Variants in GABBR2 observed in about 807,000 individuals in gnomAD.
The protein encoded by GABBR2 is G-protein coupled receptor 51.
In GABBR2, 23 loss-of-function variants were observed where a neutral mutation model predicts 105.6. That is an observed-to-expected ratio of 0.22 (90% CI 0.16 to 0.31). GABBR2 has a LOEUF of 0.31. Ranked by LOEUF, GABBR2 falls within the 10% of genes least tolerant of loss-of-function variation. The pLI is 1.00. For synonymous variants in GABBR2, 478 were observed against 499.7 expected (o/e 0.96, Z 0.58); for missense variants, 734 against 1,245.5 (o/e 0.59, Z 6.18).
chr9:98,563,242 A>G (rs1333730976), intron 2 of GABBR2, among the ~76,000 whole-genome samples: 3 of 152,166 alleles, frequency 2.0e-5, no homozygotes, highest in Non-Finnish European at 4.4e-5. Flanking sequence ...CAAAATGGAA[A>G]CCAAAGATTC....
intron 7 of GABBR2, among the ~76,000 whole-genome samples, chr9:98,440,712 G>A (rs1416134095): frequency 6.6e-6 from 1 of 152,176 alleles, no homozygotes; most frequent in Admixed American, 6.5e-5. Context: ...TCTCCATCAC[G>A]CAGGTCTGGT....
intron 7 of GABBR2, among the ~76,000 whole-genome samples, chr9:98,421,090 G>A (rs144207200): frequency 0.011 from 1,679 of 152,272 alleles, 19 homozygotes; most frequent in Non-Finnish European, 0.014. Context: ...GCCCCGAGGT[G>A]TCCCAGGGTA....
At chr9:98,397,131 G>A (rs1001163998) in intron 8 of GABBR2, among the ~76,000 whole-genome samples, 1 of 152,142 alleles carries the variant, frequency 6.6e-6, no homozygotes, top group Non-Finnish European at 1.5e-5. Flanking sequence ...TACTGAGCAG[G>A]GCTGCCAATC....
intron 11 of GABBR2, among the ~76,000 whole-genome samples, chr9:98,382,720 A>G (rs891521320): frequency 6.6e-6 from 1 of 152,214 alleles, no homozygotes; most frequent in Non-Finnish European, 1.5e-5. Context: ...GTTTAACTTC[A>G]TCAGGGTCCC....
chr9:98,683,533 C>A (rs766580215), intron 1 of GABBR2, among the ~76,000 whole-genome samples: 1 of 152,142 alleles, frequency 6.6e-6, no homozygotes, highest in Non-Finnish European at 1.5e-5. Context: ...CTACAAATGT[C>A]CGAGATGACT....
rs1431040812 is a variant in GABBR2 at position 98,573,243 on chromosome 9, T to C, written c.459+4692A>G. 2.0e-5 allele frequency among the ~76,000 whole-genome samples: 3 copies of C among 152,340 alleles called. No individual in the cohort carries two copies. The East Asian group carries it at 5.8e-4, about 29-fold the overall frequency. ...CCCCCAAGAAGCTCACAATCTGATA[T>C]GGAAGACTGGCATATAGAACAAATT... is the stretch of plus-strand genomic sequence containing the variant. On this transcript the variant is annotated intron_variant, in intron 2 of 18. Transcript: ENST00000259455.
chr9:98,529,264 G>T (rs1319253954), intron 3 of GABBR2, among the ~76,000 whole-genome samples: 2 of 152,212 alleles, frequency 1.3e-5, no homozygotes, highest in Non-Finnish European at 2.9e-5. Flanking sequence ...CAGACTGTAG[G>T]ATAAATATGA....
At chr9:98,406,273 G>A (rs537203876) in intron 7 of GABBR2, 132 bp from the exon 8 acceptor site, 6 of 555,034 alleles carry the variant, frequency 1.1e-5, no homozygotes, top group East Asian at 3.3e-5. Flanking sequence ...ACAGATTCCC[G>A]CTGGACCACA....
At chr9:98,327,166 T>G (rs903752063) in intron 13 of GABBR2, among the ~76,000 whole-genome samples, 2 of 152,248 alleles carry the variant, frequency 1.3e-5, no homozygotes, top group Non-Finnish European at 2.9e-5. Flanking sequence ...ATTTTCCAAT[T>G]TTAAGACAAC....
intron 1 of GABBR2, among the ~76,000 whole-genome samples, chr9:98,687,209 G>T (rs1390468373): frequency 6.6e-6 from 1 of 151,556 alleles, no homozygotes; most frequent in African/African-American, 2.4e-5. Context: ...AGCAGAATAA[G>T]GGCATGTGGG....
intron 13 of GABBR2, among the ~76,000 whole-genome samples, chr9:98,318,721 TG>T (rs1403539139): frequency 6.6e-6 from 1 of 151,872 alleles, no homozygotes; most frequent in East Asian, 1.9e-4. Flanking sequence ...AGGGAGGGGG[TG>T]CTTTCCACCT....
chr9:98,528,384 A>G (rs1043473226), intron 3 of GABBR2, among the ~76,000 whole-genome samples: 2 of 152,188 alleles, frequency 1.3e-5, no homozygotes, highest in African/African-American at 4.8e-5. Flanking sequence ...AAGAAAACAT[A>G]GGTATGTATT....
chr9:98,624,169 G>A (rs1021525545), intron 1 of GABBR2, among the ~76,000 whole-genome samples: 6 of 152,198 alleles, frequency 3.9e-5, no homozygotes, highest in African/African-American at 1.4e-4. Context: ...ACTGTGGAGG[G>A]GCTGGACCAG....
Position 98,541,984 on chromosome 9 carries a change from A to C in GABBR2, c.519T>G (p.Phe173Leu). The C allele has an allele frequency of 6.2e-7, 1 of 1,614,146 alleles. No homozygotes were observed. Among genetic ancestry groups the C allele is most frequent in the Non-Finnish European group, 8.5e-7 (1 of 1,179,964 alleles). Residue 173 changes from phenylalanine to leucine, a missense_variant, in exon 3 of 19, where the codon TTT becomes TTG. Coordinates refer to ENST00000259455, the MANE Select transcript of GABBR2 (RefSeq NM_005458.8). ...LADKKKYPYF[F>L]RTVPSDNAVN... ...CCGCATTGTCTGATGGGACGGTCCG[A>C]AAGAAATAAGGGTATTTTTTCTTAT...
intron 11 of GABBR2, among the ~76,000 whole-genome samples, chr9:98,383,185 C>T (rs1354512189): frequency 6.6e-6 from 1 of 152,186 alleles, no homozygotes; most frequent in East Asian, 1.9e-4. Context: ...GGGTGATCTG[C>T]CTGCCTCAGC....
intron 7 of GABBR2, among the ~76,000 whole-genome samples, chr9:98,442,257 T>G (rs1826045529): frequency 6.6e-6 from 1 of 152,204 alleles, no homozygotes; most frequent in African/African-American, 2.4e-5. Flanking sequence ...GGGGCCTGGC[T>G]TCAGCCTTGC....
intron 2 of GABBR2, among the ~76,000 whole-genome samples, chr9:98,570,996 A>G (rs1828821680): frequency 6.6e-6 from 1 of 152,238 alleles, no homozygotes; most frequent in Admixed American, 6.5e-5. Flanking sequence ...CATCACTGCC[A>G]GGCCTGTACC....
intron 13 of GABBR2, among the ~76,000 whole-genome samples, chr9:98,323,032 C>T (rs112538388): frequency 3.7e-4 from 57 of 152,236 alleles, no homozygotes; most frequent in African/African-American, 1.3e-3. Context: ...CAGACACGAG[C>T]GCCAGCACCA....
intron 12 of GABBR2, among the ~76,000 whole-genome samples, chr9:98,367,184 T>A (rs1831693034): frequency 9.6e-6 from 1 of 104,588 alleles, no homozygotes; most frequent in Non-Finnish European, 1.8e-5. Context: ...CAAGCCATCA[T>A]GGATGAGGGA....
Sources: allele counts gnomAD v4.1 joint callset (sites outside exome capture counted in the v4.1 genomes callset), GRCh38; gene constraint gnomAD v4.1.1; transcripts MANE v1.5; gene names NCBI Gene and HGNC (gene_info 2026-07-23, HGNC 2026-07-21).